Variants in KDM1A observed in about 807,000 individuals in gnomAD.
KDM1A encodes the protein lysine-specific histone demethylase 1A.
Under a neutral mutation model 109.4 loss-of-function variants are expected in KDM1A, and 49 were observed. The observed-to-expected ratio is 0.45, with a 90% CI of 0.36 to 0.57. KDM1A has a LOEUF of 0.57. KDM1A is among the 20% of genes least tolerant of loss of function. The probability of loss-of-function intolerance (pLI) is 0.00; values close to 1 mark genes in which losing one functional copy is unlikely to be tolerated. For synonymous variants in KDM1A, 380 were observed against 415.4 expected (o/e 0.91, Z 1.04); for missense variants, 668 against 1,116.6 (o/e 0.60, Z 5.73).
chr1:23,021,104 C>T (rs1009913661), intron 1 of KDM1A, among the ~76,000 whole-genome samples: 6 of 152,086 alleles, frequency 3.9e-5, no homozygotes, highest in Non-Finnish European at 7.4e-5. Context: ...GTATGGGGAG[C>T]TTCTTGAGAT....
At chr1:23,042,699 G>A (rs1283188326) in intron 2 of KDM1A, among the ~76,000 whole-genome samples, 3 of 151,098 alleles carry the variant, frequency 2.0e-5, no homozygotes, top group East Asian at 3.9e-4. Context: ...TGATCCGCCC[G>A]CCTCGGCCTC....
chr1:23,020,015 C>T (rs1490585569), intron 1 of KDM1A, 68 bp downstream of exon 1: 6 of 1,384,564 alleles, frequency 4.3e-6, no homozygotes, highest in Non-Finnish European at 4.7e-6. Context: ...TCTCCGCCCT[C>T]CCCCGCCGCC....
At position 23,083,189 on chromosome 1, in the gene KDM1A, G is replaced by A. The variant is rs1474129132; in HGVS notation, c.2456G>A (p.Arg819Gln). 6.2e-7 allele frequency: 1 copy of A among 1,609,050 alleles called. No individual in the cohort carries two copies. Among genetic ancestry groups the A allele is most frequent in the Non-Finnish European group, 8.5e-7 (1 of 1,176,134 alleles). Residue 819 changes from arginine to glutamine, a missense_variant, in exon 21 of 21, where the codon CGA becomes CAA. Coordinates refer to ENST00000400181, the MANE Select transcript of KDM1A (RefSeq NM_001009999.3). ...SIPGAPQPIP[R>Q]LFFAGEHTIR... is the part of the protein sequence containing the mutation. The stretch of plus-strand genomic sequence containing the variant: ...TTTCCCCTAAAATAGCCGATTCCAC[G>A]ACTCTTCTTTGCGGGAGAACATACG...
At chr1:23,025,421 C>G (rs1641765689) in intron 1 of KDM1A, among the ~76,000 whole-genome samples, 1 of 151,696 alleles carries the variant, frequency 6.6e-6, no homozygotes, top group African/African-American at 2.4e-5. Flanking sequence ...ACCTCCACCT[C>G]CCGGGTTCAA....
chr1:23,060,649 T>C (rs1642973020), intron 9 of KDM1A, among the ~76,000 whole-genome samples: 1 of 152,098 alleles, frequency 6.6e-6, no homozygotes, highest in African/African-American at 2.4e-5. Flanking sequence ...GGGAAAAGCA[T>C]TGCTGGCAGA....
At chr1:23,051,283 C>T (rs894787684) in intron 4 of KDM1A, among the ~76,000 whole-genome samples, 7 of 152,018 alleles carry the variant, frequency 4.6e-5, no homozygotes, top group Non-Finnish European at 8.8e-5. Context: ...CATTTGTTGC[C>T]GATTTTGCTT....
At position 23,030,630 on chromosome 1, in the gene KDM1A, A is replaced by T. The variant is rs1641953520; in HGVS notation, c.513A>T (p.Pro171=). ...AAAATGAAAGTGAGCCTGAAGAACC[A>T]TCGGGTGAGTTGTAGTATCCAACCA... ...EEENESEPEE[P]SGQAGGLQDD... The change falls in exon 2 of 21, where the codon CCA becomes CCT. Residue 171 remains proline, a synonymous_variant. Transcript: ENST00000400181. 1.9e-6 allele frequency: 3 copies of T among 1,552,448 alleles called. No individual in the cohort carries two copies. In the South Asian group the frequency reaches 3.8e-5, roughly 19 times the overall value.
chr1:23,041,355 C>T (rs549340649), intron 2 of KDM1A, among the ~76,000 whole-genome samples: 3 of 149,570 alleles, frequency 2.0e-5, no homozygotes, highest in African/African-American at 7.4e-5. Flanking sequence ...TTTTGTTTTC[C>T]ATCATTTCTT....
At chr1:23,076,415 A>T (rs1643466610) in intron 15 of KDM1A, among the ~76,000 whole-genome samples, 1 of 152,058 alleles carries the variant, frequency 6.6e-6, no homozygotes, top group Non-Finnish European at 1.5e-5. Flanking sequence ...AGTTTGACTG[A>T]CTTAGTTTTG....
At chr1:23,022,794 G>T (rs981148203) in intron 1 of KDM1A, among the ~76,000 whole-genome samples, 1 of 151,640 alleles carries the variant, frequency 6.6e-6, no homozygotes, top group Admixed American at 6.6e-5. Context: ...GAGTAGCTGG[G>T]ATTACAGGCA....
Position 23,079,759 on chromosome 1 carries a change from TTC to T in KDM1A, c.2170+98_2170+99del, listed in dbSNP as rs1259765028. On this transcript the variant is annotated intron_variant, in intron 18 of 20. Coordinates refer to ENST00000400181, the MANE Select transcript of KDM1A (RefSeq NM_001009999.3). The surrounding 1 kb of genome is among the most constrained non-coding windows in gnomAD (Gnocchi z 5.6). ...GTTTTCTCAATATATATGCCTTAAT[TTC>T]TCTCTTTATTAACTCAACAAACAAT... 2.9e-6 allele frequency: 2 copies of T among 698,528 alleles called. No individual in the cohort carries two copies. The highest frequency in any genetic ancestry group is 4.7e-6 in the Non-Finnish European group (2 of 429,970). The allele number at this position is 698,528 out of a possible 1,614,324, so 43.3% of individuals were successfully genotyped here.
At chr1:23,031,401 A>G (rs1641976092) in intron 2 of KDM1A, among the ~76,000 whole-genome samples, 1 of 152,196 alleles carries the variant, frequency 6.6e-6, no homozygotes, top group Non-Finnish European at 1.5e-5. Flanking sequence ...TCTTCTTGAA[A>G]TAATTTTTAT....
Position 23,083,324 on chromosome 1 carries a change from C to T in KDM1A, c.2591C>T (p.Ala864Val). 2 of 1,613,748 alleles carry T rather than the reference C, an allele frequency of 1.2e-6. No individual in the cohort carries two copies. The highest frequency in any genetic ancestry group is 1.7e-6 in the Non-Finnish European group (2 of 1,179,932). ...LGAMYTLPRQ[A>V]TPGVPAQQSP... ...GCCATGTATACGCTGCCTCGCCAGG[C>T]CACACCAGGTGTTCCTGCACAGCAG... The change falls in exon 21 of 21, where the codon GCC (alanine) becomes GTC (valine). Residue 864 changes from alanine to valine, a missense_variant. Ala to Val is a moderately conservative substitution (Grantham distance 64). Transcript: ENST00000400181.
rs777440346 is a variant in KDM1A at position 23,069,183 on chromosome 1, A to C, written c.1413+32A>C. 8 of 1,349,354 alleles carry C rather than the reference A, an allele frequency of 5.9e-6. No individual in the cohort carries two copies. The Admixed American group carries it at 8.1e-5, about 14-fold the overall frequency. 83.6% of individuals were successfully genotyped at this position (1,349,354 alleles called of 1,614,324 possible). On this transcript the variant is annotated intron_variant, in intron 12 of 20. Transcript: ENST00000400181. ...TTCTGTATTTTCTTCATAGCTGAAG[A>C]AGCTTTAATAGGAGAAAAAGTCTTT...
intron 1 of KDM1A, among the ~76,000 whole-genome samples, chr1:23,022,929 G>A (rs1300309472): frequency 2.0e-5 from 3 of 152,152 alleles, no homozygotes; most frequent in Non-Finnish European, 2.9e-5. Flanking sequence ...AAAGTGCTGG[G>A]ATTACAGGTG....
At chr1:23,074,747 T>G (rs977052393) in intron 15 of KDM1A, among the ~76,000 whole-genome samples, 1 of 152,238 alleles carries the variant, frequency 6.6e-6, no homozygotes, top group African/African-American at 2.4e-5. Context: ...GAAAGGTAAG[T>G]GAAGGGTTCA....
chr1:23,078,443 T>G (rs992887856), intron 16 of KDM1A, among the ~76,000 whole-genome samples: 1 of 152,150 alleles, frequency 6.6e-6, no homozygotes, highest in South Asian at 2.1e-4. Flanking sequence ...TTAACATAAT[T>G]TCAGTACCCT....
At chr1:23,027,413 CTTTTTTTTTT>C (rs34416518) in intron 1 of KDM1A, among the ~76,000 whole-genome samples, 2 of 115,304 alleles carry the variant, frequency 1.7e-5, no homozygotes, top group Non-Finnish European at 3.4e-5. Flanking sequence ...GTTTTGTTTG[CTTTTTTTTTT>C]TTTTTTTTGA....
In KDM1A at chr1:23,067,379, T is replaced by A. The variant is rs144335948; in HGVS notation, c.1180-1160T>A. ...CACACACTGGCTCATCTCGTAGTGT[T>A]ACTTGTGTTATCAGTGAAGGAGCAG... On this transcript the variant is annotated intron_variant, in intron 10 of 20. Transcript: ENST00000400181. Among the ~76,000 whole-genome samples, 483 of 152,334 alleles carry A rather than the reference T, an allele frequency of 3.2e-3. 2 individuals are homozygous for A. Among genetic ancestry groups the A allele is most frequent in the African/African-American group, 0.011 (466 of 41,570 alleles).
Sources: allele counts gnomAD v4.1 joint callset (sites outside exome capture counted in the v4.1 genomes callset), GRCh38; gene constraint gnomAD v4.1.1; non-coding constraint Gnocchi (gnomAD v3.1); transcripts MANE v1.5; gene names NCBI Gene and HGNC (gene_info 2026-07-23, HGNC 2026-07-21).